MAN2B2: variants seen among roughly 807,000 people sequenced by gnomAD.
MAN2B2 encodes the protein mannosidase alpha class 2B member 2.
Under a neutral mutation model 117.1 loss-of-function variants are expected in MAN2B2, and 106 were observed. That is an observed-to-expected ratio of 0.90 (90% CI 0.77 to 1.06). MAN2B2 has a LOEUF of 1.06. MAN2B2 is among the 50% of genes least tolerant of loss of function. The pLI, the probability that MAN2B2 is intolerant of heterozygous loss-of-function variation, is 0.00. For missense variants in MAN2B2, 1,326 were observed against 1,381.4 expected (o/e 0.96, Z 0.64); for synonymous variants, 544 against 595.1 (o/e 0.91, Z 1.25).
In MAN2B2 at chr4:6,617,449, G is replaced by A; in HGVS notation, c.2771G>A (p.Gly924Asp). The change falls in exon 17 of 19, where the codon GGC (glycine) becomes GAC (aspartate). Residue 924 changes from glycine to aspartate, a missense_variant. Gly to Asp is a moderately conservative substitution (Grantham distance 94). Transcript: ENST00000285599. Reference protein sequence around the residue: ...LLRLYHLYEVGEDPVLSQPVT... With the variant: ...LLRLYHLYEVDEDPVLSQPVT... ...CGGCTCTACCACCTATATGAAGTGG[G>A]CGAGGACCCAGTCCTGTCTCAGCCA... The A allele has an allele frequency of 6.2e-7, 1 of 1,614,152 alleles. No homozygotes were observed. Among genetic ancestry groups the A allele is most frequent in the Non-Finnish European group, 8.5e-7 (1 of 1,180,022 alleles).
At chr4:6,603,422 G>A (rs532306236) in intron 10 of MAN2B2, among the ~76,000 whole-genome samples, 32 of 152,318 alleles carry the variant, frequency 2.1e-4, no homozygotes, top group African/African-American at 7.5e-4. Flanking sequence ...TGACAGTGTG[G>A]AGTGGTGACT....
At chr4:6,576,928 C>T (rs1726086230) in intron 2 of MAN2B2, among the ~76,000 whole-genome samples, 1 of 152,160 alleles carries the variant, frequency 6.6e-6, no homozygotes, top group South Asian at 2.1e-4. Context: ...TCAATTTAAT[C>T]CTGAATTTCT....
chr4:6,612,825 A>T (rs1711632832), intron 15 of MAN2B2, among the ~76,000 whole-genome samples: 1 of 152,206 alleles, frequency 6.6e-6, no homozygotes, highest in Non-Finnish European at 1.5e-5. Flanking sequence ...CCCAACTTGA[A>T]CTAGCTGAGC....
At chr4:6,597,799 C>T (rs1039550531) in intron 8 of MAN2B2, among the ~76,000 whole-genome samples, 1 of 152,190 alleles carries the variant, frequency 6.6e-6, no homozygotes, top group African/African-American at 2.4e-5. Context: ...CCCTACTGTA[C>T]TGATGGGAAA....
intron 3 of MAN2B2, among the ~76,000 whole-genome samples, chr4:6,581,265 G>A (rs28512227): frequency 0.07 from 10,583 of 152,138 alleles, 411 homozygotes; most frequent in African/African-American, 0.099. Context: ...TCTCACTGGC[G>A]GCTGAGCCAA....
chr4:6,611,068 G>C lies in MAN2B2; in HGVS notation c.2371-18G>C, dbSNP rs374690137. 6.0e-5 allele frequency: 97 copies of C among 1,612,070 alleles called. No individual in the cohort carries two copies. Among genetic ancestry groups the C allele is most frequent in the Non-Finnish European group, 8.1e-5 (95 of 1,178,540 alleles). On this transcript the variant is annotated intron_variant, in intron 14 of 18. Coordinates refer to ENST00000285599, the MANE Select transcript of MAN2B2 (RefSeq NM_015274.3). ...GCCCAGGTGCAAGCCGGGCCTCTCG[G>C]ACAATGCCTTCCCGCAGGTCATGCT...
intron 3 of MAN2B2, among the ~76,000 whole-genome samples, chr4:6,583,485 G>C (rs1381936303): frequency 1.3e-5 from 2 of 152,204 alleles, no homozygotes; most frequent in African/African-American, 2.4e-5. Context: ...TTTTGGTCAT[G>C]AATCACCCTG....
chr4:6,576,046 T>C (rs940611259), intron 1 of MAN2B2, among the ~76,000 whole-genome samples: 1 of 152,136 alleles, frequency 6.6e-6, no homozygotes, highest in African/African-American at 2.4e-5. Flanking sequence ...CCCTCGGGAC[T>C]CGGATGGGAA....
rs753892851 is a variant in MAN2B2, at chr4:6,597,199, G to A, written c.1144G>A (p.Gly382Arg). ...ARRASALLYA[G>R]ESMFTRYLWP... ...GCGAGCCAGCGCCTTGTTGTATGCCGGGGAGTCCATGTTCACACGCTACCT... is the reference window on the plus strand; with the variant it reads ...GCGAGCCAGCGCCTTGTTGTATGCCAGGGAGTCCATGTTCACACGCTACCT... Residue 382 changes from glycine to arginine, a missense_variant, in exon 8 of 19, where the codon GGG becomes AGG. Physicochemically the swap from Gly to Arg is moderately radical, Grantham distance 125. Coordinates refer to ENST00000285599, the MANE Select transcript of MAN2B2 (RefSeq NM_015274.3). 2.6e-5 allele frequency: 42 copies of A among 1,611,966 alleles called. No homozygotes were observed. Among genetic ancestry groups the A allele is most frequent in the East Asian group, 2.2e-4 (10 of 44,796 alleles).
At chr4:6,598,808 G>A (rs192920450) in intron 9 of MAN2B2, among the ~76,000 whole-genome samples, 8 of 152,290 alleles carry the variant, frequency 5.3e-5, no homozygotes, top group Admixed American at 1.3e-4. Context: ...AGAGTACGCC[G>A]GTGTCCTCAG....
intron 5 of MAN2B2, among the ~76,000 whole-genome samples, chr4:6,589,507 C>G (rs1726776780): frequency 6.6e-6 from 1 of 152,178 alleles, no homozygotes; most frequent in South Asian, 2.1e-4. Context: ...TCCCAAAGTG[C>G]TAGGATTATA....
chr4:6,578,450 C>T lies in MAN2B2; in HGVS notation c.343C>T (p.His115Tyr). 1 of 1,613,700 alleles carries T rather than the reference C, an allele frequency of 6.2e-7. No homozygotes were observed. The highest frequency in any genetic ancestry group is 8.5e-7 in the Non-Finnish European group (1 of 1,179,838). ...LEFVIGGQVM[H>Y]DEAVTHLDDQ... ...ATTTGTCATCGGAGGCCAGGTCATGCATGACGAGGCTGTGACGCACCTTGA... is the reference window on the plus strand; with the variant it reads ...ATTTGTCATCGGAGGCCAGGTCATGTATGACGAGGCTGTGACGCACCTTGA... Residue 115 changes from histidine (H) to tyrosine (Y), a missense_variant, in exon 3 of 19, where the codon CAT (histidine) becomes TAT (tyrosine). By Grantham distance (83) the His-to-Tyr change is moderately conservative. Transcript: ENST00000285599.
At position 6,589,112 on chromosome 4, in the gene MAN2B2, T is replaced by C. The variant is rs142352794; in HGVS notation, c.632T>C (p.Met211Thr). The C allele has an allele frequency of 4.3e-5, 70 of 1,614,220 alleles. No individual in the cohort carries two copies. The Middle Eastern group carries it at 4.9e-3, about 114-fold the overall frequency. ...CGGCAGGAAATCTTCACGCACATCA[T>C]GGACCAGTACAGCTACTGCACCCCG... ...SERQEIFTHIMDQYSYCTPSH... is the reference protein window; with the variant it reads ...SERQEIFTHITDQYSYCTPSH... The change falls in exon 5 of 19, where the codon ATG (methionine) becomes ACG (threonine). Residue 211 changes from methionine (M) to threonine (T), a missense_variant. Met to Thr is a moderately conservative substitution (Grantham distance 81). Coordinates refer to ENST00000285599, the MANE Select transcript of MAN2B2 (RefSeq NM_015274.3).
In MAN2B2 at chr4:6,609,825, T is replaced by A; in HGVS notation, c.2034T>A (p.Tyr678Ter). The A allele has an allele frequency of 6.2e-7, 1 of 1,613,998 alleles. No homozygotes were observed. Among genetic ancestry groups the A allele is most frequent in the Non-Finnish European group, 8.5e-7 (1 of 1,180,026 alleles). Residue 678 changes from tyrosine to a stop codon, truncating the protein, a stop_gained, in exon 13 of 19, where the codon TAT becomes TAA. Coordinates refer to ENST00000285599, the MANE Select transcript of MAN2B2 (RefSeq NM_015274.3). LOFTEE classifies it high-confidence loss of function. ...ACATGACAGCACAGAATTACACGTA[T>A]GCAATCCGCTCCCGGCTCACCCATG... ...YRNMTAQNYT[Y>*]AIRSRLTHVP...
intron 15 of MAN2B2, among the ~76,000 whole-genome samples, chr4:6,611,638 T>C (rs183089044): frequency 1.1e-3 from 169 of 152,300 alleles, no homozygotes; most frequent in East Asian, 2.5e-3. Flanking sequence ...ACTGGTTTGT[T>C]AGCTGGGCAT....
At chr4:6,591,234 C>T (rs575384202) in intron 5 of MAN2B2, among the ~76,000 whole-genome samples, 5 of 152,190 alleles carry the variant, frequency 3.3e-5, no homozygotes, top group East Asian at 1.9e-4. Context: ...CCTTGTCTTG[C>T]GGAGCTGCCT....
rs139508314 is a variant in MAN2B2, at chr4:6,617,878, G to A, written c.2814+386G>A. The A allele has an allele frequency of 5.5e-4, 112 of 205,094 alleles. 1 individual carries two copies. The East Asian group carries it at 0.019, about 35-fold the overall frequency. 12.7% of individuals were successfully genotyped at this position (205,094 alleles called of 1,614,324 possible). On this transcript the variant is annotated intron_variant, in intron 17 of 18. Transcript: ENST00000285599. ...TTTTTTTTTTTTGAGACCGAGTTTC[G>A]CTCTCGTCCCCCAGGCTGGAGTGCA...
At chr4:6,578,320 G>C in intron 2 of MAN2B2, 73 bp from the exon 3 acceptor site, 1 of 1,113,416 alleles carries the variant, frequency 9.0e-7, no homozygotes. Flanking sequence ...GGCGCTGTAG[G>C]TGTGTTCCCC....
intron 13 of MAN2B2, 93 bp downstream of exon 13, chr4:6,610,143 C>A: frequency 6.6e-7 from 1 of 1,509,518 alleles, no homozygotes; most frequent in South Asian, 1.3e-5. Context: ...CCAGTAGAGG[C>A]CTCCAGTGAG....
Sources: gnomAD v4.1 joint callset for allele counts (sites outside exome capture counted in the v4.1 genomes callset) on GRCh38, gnomAD v4.1.1 for gene constraint, MANE v1.5 for transcripts, NCBI Gene and HGNC (gene_info 2026-07-23, HGNC 2026-07-21) for gene names.